The following INTS4 variants were observed in gnomAD, a reference collection of about 807,000 sequenced individuals.
INTS4 encodes integrator complex subunit 4.
A neutral mutation model predicts 119.5 loss-of-function variants in INTS4; 70 were observed. That is an observed-to-expected ratio of 0.59 (90% CI 0.48 to 0.71). The LOEUF (loss-of-function observed/expected upper bound fraction) is 0.71. Among genes scored for constraint, INTS4 ranks in the 30% least tolerant of loss-of-function variants. INTS4 has a pLI of 0.00. For missense variants in INTS4, 867 were observed against 1,173.2 expected (o/e 0.74, Z 3.81); for synonymous variants, 316 against 419.6 (o/e 0.75, Z 3.02).
intron 1 of INTS4, among the ~76,000 whole-genome samples, chr11:77,993,736 A>G (rs1268609526): frequency 6.6e-6 from 1 of 152,160 alleles, no homozygotes; most frequent in African/African-American, 2.4e-5. Context: ...TTGCCACTCT[A>G]CAAGTCTAAG....
chr11:77,920,204 T>TAC (rs1254745058), intron 14 of INTS4, among the ~76,000 whole-genome samples: 32 of 140,738 alleles, frequency 2.3e-4, no homozygotes, highest in Admixed American at 5.7e-4. Context: ...TACATATATA[T>TAC]ACACACATAT....
chr11:77,882,489 C>T (rs147882634), intron 22 of INTS4, among the ~76,000 whole-genome samples: 184 of 152,272 alleles, frequency 1.2e-3, no homozygotes, highest in African/African-American at 4.3e-3. Context: ...ACAATACTGT[C>T]CCACAGCATT....
At chr11:77,896,247 G>A (rs1952512665) in intron 18 of INTS4, among the ~76,000 whole-genome samples, 1 of 152,114 alleles carries the variant, frequency 6.6e-6, no homozygotes, top group African/African-American at 2.4e-5. Flanking sequence ...AAAAATAGTA[G>A]AGAAGCACAC....
intron 8 of INTS4, among the ~76,000 whole-genome samples, chr11:77,947,435 T>G (rs1954076045): frequency 1.3e-5 from 2 of 152,172 alleles, no homozygotes; most frequent in African/African-American, 2.4e-5. Context: ...TCCATTACTA[T>G]CAACAGATTT....
intron 8 of INTS4, 22 bp downstream of exon 8, chr11:77,955,920 A>G (rs1342371296): frequency 1.8e-5 from 29 of 1,580,980 alleles, no homozygotes; most frequent in Non-Finnish European, 2.4e-5. Flanking sequence ...GCATACATAC[A>G]TACATAAAAA....
chr11:77,877,580 T>G (rs1490505744), downstream of INTS4, among the ~76,000 whole-genome samples: 3 of 152,208 alleles, frequency 2.0e-5, no homozygotes, highest in Non-Finnish European at 4.4e-5. Context: ...TGGTATAGCT[T>G]AGACCTTTGG....
intron 6 of INTS4, 34 bp from the exon 7 acceptor site, chr11:77,958,868 T>G: frequency 7.6e-7 from 1 of 1,308,174 alleles, no homozygotes; most frequent in South Asian, 1.2e-5. Context: ...CTATTAGTTC[T>G]GTGTCCTCTC....
Position 77,902,392 on chromosome 11 carries a change from G to A in INTS4, c.2098-841C>T, listed in dbSNP as rs370066893. Among the ~76,000 whole-genome samples the A allele has an allele frequency of 4.3e-3, 658 of 152,024 alleles. 3 individuals carry two copies. Among genetic ancestry groups the A allele is most frequent in the African/African-American group, 0.015 (622 of 41,436 alleles). On this transcript the variant is annotated intron_variant, in intron 17 of 22. Coordinates refer to ENST00000534064, the MANE Select transcript of INTS4 (RefSeq NM_033547.4). ...ATCCTTCCAATGTGGCTCAATTATC[G>A]GGTTCTAGTCATTAAATTCTACTCT...
chr11:77,977,143 T>C (rs573910506), intron 4 of INTS4, among the ~76,000 whole-genome samples: 1 of 152,252 alleles, frequency 6.6e-6, no homozygotes, highest in East Asian at 1.9e-4. Context: ...TGTTTTCAAT[T>C]AGTAATTTAG....
intron 21 of INTS4, chr11:77,884,712 T>C: frequency 3.6e-6 from 1 of 274,400 alleles, no homozygotes; most frequent in South Asian, 3.3e-5. Context: ...ATCCTTCATC[T>C]CTCCTCAGGT....
intron 19 of INTS4, among the ~76,000 whole-genome samples, chr11:77,892,883 T>G (rs1201717551): frequency 6.6e-6 from 1 of 152,124 alleles, no homozygotes; most frequent in Non-Finnish European, 1.5e-5. Context: ...GTGCCCAGCC[T>G]CAAAACTAGG....
intron 18 of INTS4, among the ~76,000 whole-genome samples, chr11:77,897,220 G>A (rs753900760): frequency 1.3e-4 from 20 of 151,824 alleles, no homozygotes; most frequent in Non-Finnish European, 7.4e-5. Context: ...AAGATTATAA[G>A]TGGTGGCTCA....
intron 15 of INTS4, among the ~76,000 whole-genome samples, chr11:77,917,401 C>T (rs1295599357): frequency 4.0e-5 from 5 of 125,648 alleles, no homozygotes; most frequent in Admixed American, 1.5e-4. Flanking sequence ...GCAAGCTCTG[C>T]CTCCCGAGTT....
chr11:77,966,792 AT>A (rs902256325), intron 4 of INTS4, among the ~76,000 whole-genome samples: 13 of 151,950 alleles, frequency 8.6e-5, no homozygotes, highest in African/African-American at 1.9e-4. Context: ...AACTTTAAAG[AT>A]TTTTTTTCTA....
At chr11:77,960,307 C>T in intron 6 of INTS4, 34 bp downstream of exon 6, 5 of 1,536,058 alleles carry the variant, frequency 3.3e-6, no homozygotes, top group African/African-American at 1.4e-5. Flanking sequence ...CATGATACCT[C>T]CAACCCCTTC....
At chr11:77,980,252 C>G (rs1202630023) in intron 3 of INTS4, among the ~76,000 whole-genome samples, 1 of 152,154 alleles carries the variant, frequency 6.6e-6, no homozygotes, top group Non-Finnish European at 1.5e-5. Context: ...GACCCCACTC[C>G]CCACTGAACA....
intron 1 of INTS4, among the ~76,000 whole-genome samples, chr11:77,992,921 C>T (rs1856756994): frequency 6.6e-6 from 1 of 152,190 alleles, no homozygotes; most frequent in Non-Finnish European, 1.5e-5. Context: ...CTCATTTAAT[C>T]ACTTTATGTT....
intron 4 of INTS4, among the ~76,000 whole-genome samples, chr11:77,975,332 A>G (rs570117870): frequency 6.6e-6 from 1 of 152,190 alleles, no homozygotes; most frequent in East Asian, 1.9e-4. Flanking sequence ...TCGTTGACTC[A>G]TTAGTTACAT....
intron 18 of INTS4, 120 bp downstream of exon 18, chr11:77,901,301 C>CT (rs1405077909): frequency 1.5e-5 from 15 of 1,028,466 alleles, no homozygotes; most frequent in Non-Finnish European, 2.3e-5. Flanking sequence ...TCACACATTC[C>CT]TTAGCTAGTC....
Sources: allele counts gnomAD v4.1 joint callset (sites outside exome capture counted in the v4.1 genomes callset), GRCh38; gene constraint gnomAD v4.1.1; transcripts MANE v1.5; gene names NCBI Gene and HGNC (gene_info 2026-07-23, HGNC 2026-07-21).